The following MACO1 variants were observed in gnomAD, a reference collection of about 807,000 sequenced individuals.
MACO1 encodes the protein macoilin 1.
MACO1 carries 14 observed loss-of-function variants against 78.7 expected under a neutral mutation model. The observed-to-expected ratio is 0.18, with a 90% confidence interval of 0.12 to 0.28. The LOEUF (loss-of-function observed/expected upper bound fraction) is 0.28. MACO1 is among the 10% of genes least tolerant of loss of function. MACO1 has a pLI of 1.00. For missense variants in MACO1, 501 were observed against 799.0 expected (o/e 0.63, Z 4.50); for synonymous variants, 288 against 291.6 (o/e 0.99, Z 0.12).
intron 10 of MACO1, among the ~76,000 whole-genome samples, chr1:25,493,664 G>A (rs185002524): frequency 1.4e-4 from 21 of 150,330 alleles, no homozygotes; most frequent in Admixed American, 1.2e-3. Context: ...CCTGAAAAAA[G>A]TGGCATTATT....
At chr1:25,452,508 T>C (rs562842344) in intron 3 of MACO1, among the ~76,000 whole-genome samples, 11 of 152,358 alleles carry the variant, frequency 7.2e-5, no homozygotes, top group African/African-American at 2.6e-4. Flanking sequence ...GTCAGAAACA[T>C]TTCTTTGTCC....
intron 6 of MACO1, among the ~76,000 whole-genome samples, chr1:25,470,512 C>T (rs2043258047): frequency 6.6e-6 from 1 of 152,188 alleles, no homozygotes; most frequent in East Asian, 1.9e-4. Flanking sequence ...GACTGGTAAC[C>T]CAGGGGCAGG....
At chr1:25,471,151 C>T (rs2043266354) in intron 6 of MACO1, among the ~76,000 whole-genome samples, 1 of 152,092 alleles carries the variant, frequency 6.6e-6, no homozygotes, top group African/African-American at 2.4e-5. Context: ...CCAGCCTTGC[C>T]AACATGGCAA....
At chr1:25,481,833 G>C (rs966361898) in intron 6 of MACO1, among the ~76,000 whole-genome samples, 1 of 152,192 alleles carries the variant, frequency 6.6e-6, no homozygotes, top group Non-Finnish European at 1.5e-5. Context: ...ACACCCAGCG[G>C]TGCTTTTGGA....
rs1250404783 is a variant in MACO1 at position 25,431,018 on chromosome 1, A to G, written c.-81A>G. The G allele has an allele frequency of 2.8e-6, 3 of 1,083,548 alleles. No homozygotes were observed. Among genetic ancestry groups the G allele is most frequent in the East Asian group, 5.2e-5 (1 of 19,320 alleles). 67.1% of individuals were successfully genotyped at this position (1,083,548 alleles called of 1,614,324 possible). On this transcript the variant is annotated 5_prime_UTR_variant, in exon 1 of 11. Coordinates refer to ENST00000374343, the MANE Select transcript of MACO1 (RefSeq NM_018202.6). ...GCCTCAGGGGTAGAGTCCAGGCCCG[A>G]CGCGGGGCGGGCCAGCGGCGGCGGC...
intron 10 of MACO1, among the ~76,000 whole-genome samples, chr1:25,493,919 G>A (rs1256853773): frequency 6.6e-6 from 1 of 151,948 alleles, no homozygotes; most frequent in Non-Finnish European, 1.5e-5. Context: ...TTTTAGTAGA[G>A]ATGGGGTTTC....
intron 3 of MACO1, among the ~76,000 whole-genome samples, chr1:25,451,899 T>C (rs2043069766): frequency 7.0e-6 from 1 of 143,276 alleles, no homozygotes; most frequent in Non-Finnish European, 1.5e-5. Flanking sequence ...TCCACTGCAC[T>C]CCAGCCTGGG....
intron 8 of MACO1, 68 bp from the exon 9 acceptor site, chr1:25,489,105 G>C: frequency 6.5e-7 from 1 of 1,539,136 alleles, no homozygotes; most frequent in Admixed American, 2.0e-5. Context: ...ACAGGCCTGA[G>C]TCACAGGGCC....
intron 6 of MACO1, among the ~76,000 whole-genome samples, chr1:25,474,235 T>C (rs2043299867): frequency 6.6e-6 from 1 of 152,180 alleles, no homozygotes; most frequent in African/African-American, 2.4e-5. Context: ...GTGAAACCTC[T>C]CAGTTAAAAA....
rs2043406788 is a variant in MACO1, at chr1:25,484,205, C to T, written c.1244C>T (p.Ser415Leu). 2.5e-6 allele frequency: 4 copies of T among 1,613,964 alleles called. No individual in the cohort carries two copies. Among genetic ancestry groups the T allele is most frequent in the Non-Finnish European group, 3.4e-6 (4 of 1,179,990 alleles). Residue 415 changes from serine (S) to leucine (L), a missense_variant, in exon 7 of 11, where the codon TCG becomes TTG. Ser to Leu is a moderately radical substitution (Grantham distance 145). Transcript: ENST00000374343. ...QELRSQISSLSSTERGIRSEM... is the reference protein window; with the variant it reads ...QELRSQISSLLSTERGIRSEM... ...CTCCGCAGTCAGATCAGCTCCCTTT[C>T]GAGCACCGAGCGAGGGATCCGCTCA...
intron 9 of MACO1, among the ~76,000 whole-genome samples, chr1:25,489,645 C>A (rs367688867): frequency 1.1e-4 from 17 of 152,306 alleles, no homozygotes; most frequent in African/African-American, 4.1e-4. Flanking sequence ...CTTTCTATTG[C>A]CAGGGGACTG....
At chr1:25,444,552 C>T (rs535111967) in intron 1 of MACO1, among the ~76,000 whole-genome samples, 2 of 151,968 alleles carry the variant, frequency 1.3e-5, no homozygotes, top group South Asian at 2.1e-4. Flanking sequence ...TTTGTGCTCC[C>T]GAATACCTGC....
chr1:25,454,291 T>C lies in MACO1; in HGVS notation c.382T>C (p.Trp128Arg). The C allele has an allele frequency of 6.2e-7, 1 of 1,608,896 alleles. No homozygotes were observed. The highest frequency in any genetic ancestry group is 8.5e-7 in the Non-Finnish European group (1 of 1,177,972). Residue 128 changes from tryptophan to arginine, a missense_variant, in exon 4 of 11, where the codon TGG (tryptophan) becomes CGG (arginine). This residue lies in a region of MACO1 where 171 missense variants were observed against 292.1 expected (regional missense o/e 0.59). Transcript: ENST00000374343. ...RGVCLPTVSLWILFVYIEAAI... is the reference protein window; with the variant it reads ...RGVCLPTVSLRILFVYIEAAI... ...AGTGTGTTTGCCTACAGTGTCTCTCTGGATCCTCTTTGTTTATATTGAAGC... is the reference window on the plus strand; with the variant it reads ...AGTGTGTTTGCCTACAGTGTCTCTCCGGATCCTCTTTGTTTATATTGAAGC...
chr1:25,476,849 A>G (rs1410474587), intron 6 of MACO1, among the ~76,000 whole-genome samples: 1 of 152,218 alleles, frequency 6.6e-6, no homozygotes, highest in Non-Finnish European at 1.5e-5. Context: ...TATTTAAATT[A>G]AAAATCAGAT....
chr1:25,439,371 A>G (rs1470498472), intron 1 of MACO1, among the ~76,000 whole-genome samples: 5 of 149,702 alleles, frequency 3.3e-5, no homozygotes, highest in African/African-American at 1.2e-4. Flanking sequence ...GCTACAGCCT[A>G]GGAGACAGAG....
Position 25,431,034 on chromosome 1 carries a change from C to A in MACO1, c.-65C>A. ...CCAGGCCCGACGCGGGGCGGGCCAGCGGCGGCGGCAGCTGAGGTGAGAGAC... is the reference window on the plus strand; with the variant it reads ...CCAGGCCCGACGCGGGGCGGGCCAGAGGCGGCGGCAGCTGAGGTGAGAGAC... On this transcript the variant is annotated 5_prime_UTR_variant, in exon 1 of 11. Coordinates refer to ENST00000374343, the MANE Select transcript of MACO1 (RefSeq NM_018202.6). 2.2e-6 allele frequency: 3 copies of A among 1,393,460 alleles called. No homozygotes were observed. The South Asian group carries it at 3.9e-5, about 18-fold the overall frequency. The allele number at this position is 1,393,460 out of a possible 1,614,324, so 86.3% of individuals were successfully genotyped here. A position where few individuals can be genotyped will look rare whatever the true frequency, so the allele number is the denominator to read the frequency against.
At chr1:25,432,172 T>G (rs190787381) in intron 1 of MACO1, among the ~76,000 whole-genome samples, 2 of 152,368 alleles carry the variant, frequency 1.3e-5, no homozygotes, top group Admixed American at 1.3e-4. Context: ...TAGGCTTAAT[T>G]GAGTCCTCAT....
At chr1:25,459,830 A>G (rs1290684995) in intron 6 of MACO1, among the ~76,000 whole-genome samples, 1 of 152,128 alleles carries the variant, frequency 6.6e-6, no homozygotes, top group Non-Finnish European at 1.5e-5. Flanking sequence ...TAATTTTACT[A>G]TATTTTATAT....
chr1:25,447,336 C>G (rs748452211), intron 2 of MACO1, among the ~76,000 whole-genome samples: 45 of 152,136 alleles, frequency 3.0e-4, no homozygotes, highest in Admixed American at 6.6e-4. Flanking sequence ...CCCCTTTTCA[C>G]TCGTAAAAAC....
Sources: allele counts gnomAD v4.1 joint callset (sites outside exome capture counted in the v4.1 genomes callset), GRCh38; gene constraint gnomAD v4.1.1; regional missense constraint gnomAD v4.1.1; transcripts MANE v1.5; gene names NCBI Gene and HGNC (gene_info 2026-07-23, HGNC 2026-07-21).